Variants in NLRC4 observed in about 807,000 individuals in gnomAD.
NLRC4 encodes the protein NLR family CARD domain-containing protein 4.
NLRC4 carries 63 observed loss-of-function variants against 79.9 expected under a neutral mutation model. That is an observed-to-expected ratio of 0.79 (90% CI 0.64 to 0.97). NLRC4 has a LOEUF of 0.97. Ranked by LOEUF, NLRC4 falls within the 50% of genes least tolerant of loss-of-function variation. The probability of loss-of-function intolerance (pLI) is 0.00; values close to 1 mark genes in which losing one functional copy is unlikely to be tolerated. For synonymous variants in NLRC4, 461 were observed against 456.5 expected (o/e 1.01, Z -0.12); for missense variants, 1,074 against 1,215.2 (o/e 0.88, Z 1.73).
At chr2:32,261,390 C>G (rs1446186159) in intron 1 of NLRC4, among the ~76,000 whole-genome samples, 1 of 136,698 alleles carries the variant, frequency 7.3e-6, no homozygotes, top group Non-Finnish European at 1.5e-5. Flanking sequence ...CAGCTCACTG[C>G]AACCTCTGCC....
At chr2:32,265,335 C>T (rs974306126), upstream of NLRC4, among the ~76,000 whole-genome samples, 1 of 152,112 alleles carries the variant, frequency 6.6e-6, no homozygotes, top group African/African-American at 2.4e-5. Context: ...CGTGCACCAC[C>T]ATGCCCGGCT....
In NLRC4 at chr2:32,224,465, C is replaced by T. The variant is rs1686312342; in HGVS notation, c.*8G>A. Reference sequence around the variant, plus strand: ...CCAGAGCACTTACTGGCTTCGAGTACACTTTATTTAAGCAGTTACTAGTTT... The same window carrying T: ...CCAGAGCACTTACTGGCTTCGAGTATACTTTATTTAAGCAGTTACTAGTTT... On this transcript the variant is annotated 3_prime_UTR_variant, in exon 9 of 9. Coordinates refer to ENST00000402280, the MANE Select transcript of NLRC4 (RefSeq NM_001199138.2). 1.9e-6 allele frequency: 3 copies of T among 1,574,722 alleles called. No homozygotes were observed. Among genetic ancestry groups the T allele is most frequent in the Non-Finnish European group, 2.6e-6 (3 of 1,160,408 alleles).
At chr2:32,258,779 C>G (rs1687268851) in intron 1 of NLRC4, among the ~76,000 whole-genome samples, 1 of 152,170 alleles carries the variant, frequency 6.6e-6, no homozygotes, top group Admixed American at 6.6e-5. Context: ...CTTCCTTTCT[C>G]CCTTCCTCCT....
At chr2:32,235,365 A>T (rs1686647372) in intron 8 of NLRC4, 36 bp downstream of exon 8, 4 of 1,543,324 alleles carry the variant, frequency 2.6e-6, no homozygotes, top group Non-Finnish European at 3.6e-6. Flanking sequence ...TTAAGGGCCA[A>T]ATCCAGTTAT....
chr2:32,264,622 C>G (rs1164147686), intron 1 of NLRC4, 116 bp downstream of exon 1: 2 of 151,906 alleles, frequency 1.3e-5, no homozygotes, highest in African/African-American at 2.4e-5. Context: ...GCAAATCACA[C>G]TCGTCAATGT....
chr2:32,232,376 C>T (rs931156634), intron 8 of NLRC4, among the ~76,000 whole-genome samples: 3 of 152,096 alleles, frequency 2.0e-5, no homozygotes, highest in Non-Finnish European at 4.4e-5. Context: ...CCCCAGTATC[C>T]TAAGTGTAGT....
At chr2:32,240,955 A>T in intron 5 of NLRC4, 78 bp downstream of exon 5, 1 of 858,106 alleles carries the variant, frequency 1.2e-6, no homozygotes, top group Non-Finnish European at 1.9e-6. Context: ...GTGCAGACAC[A>T]GCCAATGTCA....
intron 8 of NLRC4, among the ~76,000 whole-genome samples, chr2:32,235,137 A>T (rs1385811931): frequency 6.6e-6 from 1 of 152,220 alleles, no homozygotes; most frequent in Non-Finnish European, 1.5e-5. Context: ...AGTTAAGGCT[A>T]GTAAGAGCTA....
chr2:32,258,078 T>C (rs538651975), intron 1 of NLRC4, among the ~76,000 whole-genome samples: 4 of 152,236 alleles, frequency 2.6e-5, no homozygotes, highest in Non-Finnish European at 4.4e-5. Flanking sequence ...CAAGGTTTCA[T>C]TGAGTGGAAG....
intron 1 of NLRC4, among the ~76,000 whole-genome samples, chr2:32,259,238 G>GGT (rs1306334517): frequency 4.2e-5 from 6 of 142,924 alleles, no homozygotes; most frequent in African/African-American, 1.6e-4. Flanking sequence ...TGGGACCGCA[G>GGT]GTGTGTGCCA....
intron 1 of NLRC4, among the ~76,000 whole-genome samples, chr2:32,264,484 T>A (rs1573510499): frequency 6.8e-6 from 1 of 147,130 alleles, no homozygotes; most frequent in Non-Finnish European, 1.5e-5. Flanking sequence ...TGCCAAAAAG[T>A]GTTTCCAAAG....
chr2:32,255,753 A>C (rs2148945754), intron 2 of NLRC4, among the ~76,000 whole-genome samples: 1 of 152,154 alleles, frequency 6.6e-6, no homozygotes, highest in East Asian at 1.9e-4. Flanking sequence ...GGTGGCTCAC[A>C]CCTGTAATCC....
At chr2:32,241,558 T>C (rs1000318981) in intron 4 of NLRC4, among the ~76,000 whole-genome samples, 6 of 151,942 alleles carry the variant, frequency 3.9e-5, no homozygotes, top group African/African-American at 1.5e-4. Context: ...TTTTGTATTT[T>C]TAGTAGAGAC....
At chr2:32,259,883 ATAAG>A (rs35614053) in intron 1 of NLRC4, among the ~76,000 whole-genome samples, 88,013 of 151,528 alleles carry the variant, frequency 0.58, 25,806 homozygotes, top group African/African-American at 0.6. Flanking sequence ...TGCTTGCAGT[ATAAG>A]TAGTTTGTAA....
At chr2:32,246,479 G>A (rs1050740702) in intron 4 of NLRC4, among the ~76,000 whole-genome samples, 1 of 152,214 alleles carries the variant, frequency 6.6e-6, no homozygotes, top group Admixed American at 6.5e-5. Context: ...TCTCTGTAGG[G>A]TGACAAGCAA....
At chr2:32,225,054 TACTCCTAGGAAATGG>T in intron 8 of NLRC4, among the ~76,000 whole-genome samples, 1 of 152,276 alleles carries the variant, frequency 6.6e-6, no homozygotes, top group Middle Eastern at 3.4e-3. Flanking sequence ...CCCTTTTCCT[TACTCCTAGGAAATGG>T]AAGGTTGCTT....
chr2:32,265,401 G>A (rs939132152), upstream of NLRC4, among the ~76,000 whole-genome samples: 3 of 151,870 alleles, frequency 2.0e-5, no homozygotes, highest in Admixed American at 6.6e-5. Flanking sequence ...GGCTGGTCTC[G>A]AACTCCTGAC....
intron 8 of NLRC4, 71 bp downstream of exon 8, chr2:32,235,330 T>G: frequency 8.8e-7 from 1 of 1,131,528 alleles, no homozygotes; most frequent in East Asian, 2.4e-5. Flanking sequence ...GGGGGCAAAA[T>G]AAGCAAAGCC....
intron 5 of NLRC4, 21 bp downstream of exon 5, chr2:32,241,012 A>G (rs750077761): frequency 3.5e-6 from 5 of 1,417,002 alleles, no homozygotes; most frequent in South Asian, 2.3e-5. Context: ...ATTGATACAA[A>G]TATGAGAACA....
Sources: gnomAD v4.1 joint callset for allele counts (sites outside exome capture counted in the v4.1 genomes callset) on GRCh38, gnomAD v4.1.1 for gene constraint, MANE v1.5 for transcripts, NCBI Gene and HGNC (gene_info 2026-07-23, HGNC 2026-07-21) for gene names.